Variants in PML observed in about 807,000 individuals in gnomAD.
PML encodes protein PML.
In PML, 28 loss-of-function variants were observed where a neutral mutation model predicts 65.2. That is an observed-to-expected ratio of 0.43 (90% CI 0.32 to 0.59). The LOEUF (loss-of-function observed/expected upper bound fraction) is 0.59. Among genes scored for constraint, PML ranks in the 20% least tolerant of loss-of-function variants. The pLI is 0.08. For missense variants in PML, 1,021 were observed against 1,203.4 expected (o/e 0.85, Z 2.24); for synonymous variants, 500 against 508.8 (o/e 0.98, Z 0.23).
intron 2 of PML, among the ~76,000 whole-genome samples, chr15:74,016,792 C>T (rs1256536016): frequency 8.1e-3 from 626 of 77,478 alleles, no homozygotes; most frequent in South Asian, 0.01. Context: ...GCAGTGGCAT[C>T]TTTTTTTTTT....
At position 74,032,611 on chromosome 15, in the gene PML, C is replaced by T. The variant is rs756580480; in HGVS notation, c.1294C>T (p.Leu432=). 3 of 1,614,206 alleles carry T rather than the reference C, an allele frequency of 1.9e-6. No individual in the cohort carries two copies. The highest frequency in any genetic ancestry group is 2.5e-6 in the Non-Finnish European group (3 of 1,180,024). Residue 432 remains leucine, a synonymous_variant, in exon 5 of 9, where the codon CTG becomes TTG. Coordinates refer to ENST00000268058, the MANE Select transcript of PML (RefSeq NM_033238.3). ...GAGAGTGAAGGCCCAGGTTCAGGCC[C>T]TGGGGCTGGCTGAAGCCCAGCCTAT... ...AERVKAQVQA[L]GLAEAQPMAV...
At chr15:74,029,994 T>A (rs936088921) in intron 4 of PML, among the ~76,000 whole-genome samples, 3 of 152,098 alleles carry the variant, frequency 2.0e-5, no homozygotes, top group Admixed American at 6.5e-5. Flanking sequence ...CAATCCATCA[T>A]GGCCAATGGT....
chr15:74,036,423 C>G (rs977239306), intron 7 of PML: 1 of 1,292,802 alleles, frequency 7.7e-7, no homozygotes, highest in Non-Finnish European at 9.9e-7. Flanking sequence ...CCACGACCAT[C>G]GCGTTCTCCG....
intron 2 of PML, among the ~76,000 whole-genome samples, chr15:74,007,984 C>T (rs574993685): frequency 1.1e-3 from 165 of 152,270 alleles, no homozygotes; most frequent in African/African-American, 3.8e-3. Context: ...AGCAACATGT[C>T]GTATCTGGCA....
rs568710623 is a variant in PML, at chr15:73,997,583, T to G, written c.130-421T>G. On this transcript the variant is annotated intron_variant, in intron 1 of 8. Coordinates refer to ENST00000268058, the MANE Select transcript of PML (RefSeq NM_033238.3). ...ACAAGTATCTGTTTGGGCCTTGTTT[T>G]TACATCTTTTGGTTATATATCTAAG... Among the ~76,000 whole-genome samples, 7 of 152,358 alleles carry G rather than the reference T, an allele frequency of 4.6e-5. No individual in the cohort carries two copies. In the South Asian group the frequency reaches 1.4e-3, roughly 32 times the overall value.
intron 4 of PML, among the ~76,000 whole-genome samples, chr15:74,030,008 G>C (rs1453396964): frequency 6.6e-6 from 1 of 152,118 alleles, no homozygotes; most frequent in Non-Finnish European, 1.5e-5. Flanking sequence ...CAATGGTGTG[G>C]AGCCCATGAG....
At chr15:74,009,852 C>T (rs2070238237) in intron 2 of PML, among the ~76,000 whole-genome samples, 2 of 152,128 alleles carry the variant, frequency 1.3e-5, no homozygotes, top group Non-Finnish European at 2.9e-5. Context: ...CACGCCCAGC[C>T]AGAAGCAGGG....
chr15:74,023,683 A>C (rs1276648429), intron 3 of PML, among the ~76,000 whole-genome samples: 1 of 152,168 alleles, frequency 6.6e-6, no homozygotes, highest in African/African-American at 2.4e-5. Context: ...GTGAAAGTTG[A>C]AAAACTGCAA....
At position 74,035,122 on chromosome 15, in the gene PML, G is replaced by C. The variant is rs1439163744; in HGVS notation, c.1710+592G>C. On this transcript the variant is annotated intron_variant, in intron 7 of 8. Coordinates refer to ENST00000268058, the MANE Select transcript of PML (RefSeq NM_033238.3). This position sits in a 1 kb window ranked among gnomAD's most constrained non-coding sequence, Gnocchi z 4.1. ...AATAGAGTGAAAGGTTGGACTGGGT[G>C]GCCCCTGAGGTCTCTTCCAGCCCTC... 14 of 1,120,850 alleles carry C rather than the reference G, an allele frequency of 1.2e-5. No homozygotes were observed. The highest frequency in any genetic ancestry group is 1.9e-5 in the Non-Finnish European group (14 of 733,960). 69.4% of individuals were successfully genotyped at this position (1,120,850 alleles called of 1,614,324 possible).
chr15:74,005,352 A>T (rs1380331407), intron 2 of PML, among the ~76,000 whole-genome samples: 1 of 151,968 alleles, frequency 6.6e-6, no homozygotes, highest in Non-Finnish European at 1.5e-5. Flanking sequence ...CACCCGGCCC[A>T]TTTGTTTATT....
Position 73,998,493 on chromosome 15 carries a change from A to T in PML, c.602+17A>T. 3 of 1,603,958 alleles carry T rather than the reference A, an allele frequency of 1.9e-6. No individual in the cohort carries two copies. The Middle Eastern group carries it at 5.0e-4, about 265-fold the overall frequency. Reference sequence around the variant, plus strand: ...GCTGACCAGGTGAGTAGGCCGGCACAGGGTGGGGTGGTGCATCCAAGTACC... The same window carrying T: ...GCTGACCAGGTGAGTAGGCCGGCACTGGGTGGGGTGGTGCATCCAAGTACC... On this transcript the variant is annotated intron_variant, in intron 2 of 8. Coordinates refer to ENST00000268058, the MANE Select transcript of PML (RefSeq NM_033238.3).
At chr15:74,015,544 T>C (rs1334036364) in intron 2 of PML, among the ~76,000 whole-genome samples, 1 of 152,156 alleles carries the variant, frequency 6.6e-6, no homozygotes, top group Non-Finnish European at 1.5e-5. Flanking sequence ...GAGCTACCAG[T>C]TTCCTAGAAC....
chr15:74,000,367 G>A (rs2069706473), intron 2 of PML, among the ~76,000 whole-genome samples: 1 of 152,038 alleles, frequency 6.6e-6, no homozygotes, highest in Non-Finnish European at 1.5e-5. Flanking sequence ...GTGCAGTGCT[G>A]CACTCGTGGC....
chr15:74,042,422 A>G lies in PML; in HGVS notation c.1711-567A>G, dbSNP rs894916042. On this transcript the variant is annotated intron_variant, in intron 7 of 8. Transcript: ENST00000268058. The surrounding 1 kb of genome is among the most constrained non-coding windows in gnomAD (Gnocchi z 5.3). ...GGGGACAAGAAAAGGCAGGCTCCCGACCCCTTCCAAAGAATCATCTGGGGT... is the reference window on the plus strand; with the variant it reads ...GGGGACAAGAAAAGGCAGGCTCCCGGCCCCTTCCAAAGAATCATCTGGGGT... 2 of 985,146 alleles carry G rather than the reference A, an allele frequency of 2.0e-6. No individual in the cohort carries two copies. Among genetic ancestry groups the G allele is most frequent in the African/African-American group, 1.7e-5 (1 of 57,168 alleles). The allele number at this position is 985,146 out of a possible 1,614,324, so 61.0% of individuals were successfully genotyped here. A position where few individuals can be genotyped will look rare whatever the true frequency, so the allele number is the denominator to read the frequency against.
At chr15:74,034,796 T>A in intron 7 of PML, 1 of 1,441,608 alleles carries the variant, frequency 6.9e-7, no homozygotes, top group Non-Finnish European at 9.1e-7. Context: ...TTCTGGAATG[T>A]CCAAGACCTT....
intron 2 of PML, among the ~76,000 whole-genome samples, chr15:74,006,390 CAA>C (rs372202858): frequency 3.8e-4 from 33 of 87,542 alleles, no homozygotes; most frequent in Middle Eastern, 7.8e-3. Context: ...GACTCCGTCT[CAA>C]AAAAAAAAAA....
chr15:74,002,634 T>C (rs971952493), intron 2 of PML, among the ~76,000 whole-genome samples: 6 of 150,684 alleles, frequency 4.0e-5, no homozygotes, highest in African/African-American at 1.2e-4. Flanking sequence ...TTTTGTATTT[T>C]TAGTAGAGAA....
intron 2 of PML, among the ~76,000 whole-genome samples, chr15:74,003,447 T>C (rs2069880172): frequency 6.6e-6 from 1 of 152,032 alleles, no homozygotes; most frequent in South Asian, 2.1e-4. Context: ...AAAAAAAGTG[T>C]ATACACACAC....
At chr15:74,004,557 G>A (rs774467737) in intron 2 of PML, among the ~76,000 whole-genome samples, 2 of 151,958 alleles carry the variant, frequency 1.3e-5, no homozygotes, top group South Asian at 2.1e-4. Context: ...TGCCTTAGCC[G>A]CCCAAAGCAC....
Sources: allele counts gnomAD v4.1 joint callset (sites outside exome capture counted in the v4.1 genomes callset), GRCh38; gene constraint gnomAD v4.1.1; non-coding constraint Gnocchi (gnomAD v3.1); transcripts MANE v1.5; gene names NCBI Gene and HGNC (gene_info 2026-07-23, HGNC 2026-07-21).